TNNI3K: variants seen among roughly 807,000 people sequenced by gnomAD.
TNNI3K encodes serine/threonine-protein kinase TNNI3K.
TNNI3K carries 140 observed loss-of-function variants against 114.5 expected under a neutral mutation model. The ratio of observed to expected loss-of-function variants is 1.22; its 90% CI spans 1.07 to 1.41. The LOEUF (loss-of-function observed/expected upper bound fraction) is 1.41. Ranked by LOEUF, TNNI3K falls within the 40% of genes most tolerant of loss-of-function variation. The pLI, the probability that TNNI3K is intolerant of heterozygous loss-of-function variation, is 0.00. For missense variants in TNNI3K, 1,125 were observed against 1,007.6 expected (o/e 1.12, Z -1.58); for synonymous variants, 347 against 347.5 (o/e 1.00, Z 0.02).
At chr1:74,337,068 T>A (rs1274954261) in intron 7 of TNNI3K, among the ~76,000 whole-genome samples, 4 of 150,866 alleles carry the variant, frequency 2.7e-5, no homozygotes, top group South Asian at 2.1e-4. Flanking sequence ...GGTATCTCAT[T>A]GTGGTTTTGA....
chr1:74,488,977 G>T (rs561812214), intron 21 of TNNI3K, among the ~76,000 whole-genome samples: 1 of 152,254 alleles, frequency 6.6e-6, no homozygotes, highest in East Asian at 1.9e-4. Context: ...TGCAAATTCT[G>T]ACTTAAAACT....
chr1:74,280,389 A>C (rs1013218814), intron 5 of TNNI3K, among the ~76,000 whole-genome samples: 1 of 149,168 alleles, frequency 6.7e-6, no homozygotes, highest in East Asian at 2.0e-4. Flanking sequence ...CTCAAAAAAA[A>C]AATAAAATAA....
At chr1:74,411,801 G>T (rs1231368614) in intron 17 of TNNI3K, among the ~76,000 whole-genome samples, 4 of 152,158 alleles carry the variant, frequency 2.6e-5, no homozygotes, top group Non-Finnish European at 5.9e-5. Flanking sequence ...GAGCATTGAG[G>T]AGGAAGAAGA....
chr1:74,417,682 T>G (rs927486365), intron 17 of TNNI3K, among the ~76,000 whole-genome samples: 3 of 137,022 alleles, frequency 2.2e-5, no homozygotes, highest in Admixed American at 1.4e-4. Context: ...GTGTACGTGT[T>G]TGTGTGTGTG....
At chr1:74,341,817 T>C (rs1157248268) in intron 7 of TNNI3K, 1 of 152,132 alleles carries the variant, frequency 6.6e-6, no homozygotes, top group Non-Finnish European at 1.5e-5. Context: ...TGCAGGGCAT[T>C]GAATCTGTGG....
In TNNI3K at chr1:74,370,372, T is replaced by C. The variant is rs201798505; in HGVS notation, c.1752T>C (p.Ile584=). Residue 584 remains isoleucine, a synonymous_variant, in exon 17 of 25, where the codon ATT becomes ATC. Transcript: ENST00000326637. ...ACCTTCACAACCTGACACAGCCAAT[T>C]ATACATCGTGACTTGAACAGGTATT... ...MEYLHNLTQP[I]IHRDLNSHNI... 1.0e-5 allele frequency: 16 copies of C among 1,606,792 alleles called. No individual in the cohort carries two copies. Among genetic ancestry groups the C allele is most frequent in the Non-Finnish European group, 1.4e-5 (16 of 1,175,752 alleles).
At chr1:74,252,782 G>A (rs1334981278) in intron 4 of TNNI3K, among the ~76,000 whole-genome samples, 8 of 152,240 alleles carry the variant, frequency 5.3e-5, no homozygotes, top group Admixed American at 2.6e-4. Context: ...GCAGACCTTC[G>A]CGGTGAGTGT....
At chr1:74,458,586 T>G (rs1187952227) in intron 20 of TNNI3K, among the ~76,000 whole-genome samples, 1 of 152,196 alleles carries the variant, frequency 6.6e-6, no homozygotes, top group Admixed American at 6.5e-5. Flanking sequence ...CTACAGTGTT[T>G]CTTGATGGCT....
Position 74,460,224 on chromosome 1 carries a change from C to T in TNNI3K, c.2012-3217C>T, listed in dbSNP as rs966175851. 8.6e-5 allele frequency among the ~76,000 whole-genome samples: 13 copies of T among 152,036 alleles called. No homozygotes were observed. In the East Asian group the frequency reaches 9.7e-4, roughly 11 times the overall value. On this transcript the variant is annotated intron_variant, in intron 20 of 24. Transcript: ENST00000326637. Reference sequence around the variant, plus strand: ...CTGGGACTACAGGCGCCAGCCACCACGTCCAGCTAATTTTTTGTGTTTTTA... The same window carrying T: ...CTGGGACTACAGGCGCCAGCCACCATGTCCAGCTAATTTTTTGTGTTTTTA...
chr1:74,340,412 C>T (rs1250399682), intron 7 of TNNI3K, among the ~76,000 whole-genome samples: 1 of 152,052 alleles, frequency 6.6e-6, no homozygotes, highest in African/African-American at 2.4e-5. Context: ...AATATATTTT[C>T]TTTTTTGTCT....
At chr1:74,468,539 G>A (rs891044429) in intron 21 of TNNI3K, 3 of 152,084 alleles carry the variant, frequency 2.0e-5, no homozygotes, top group African/African-American at 7.2e-5. Context: ...GAGAAAAGAT[G>A]AAGAAGAGAG....
At chr1:74,283,303 A>G (rs1657126646) in intron 5 of TNNI3K, among the ~76,000 whole-genome samples, 1 of 152,132 alleles carries the variant, frequency 6.6e-6, no homozygotes, top group Non-Finnish European at 1.5e-5. Context: ...AAAGCAATCT[A>G]CTACTCTGCA....
chr1:74,363,544 A>G (rs978897077), intron 11 of TNNI3K, among the ~76,000 whole-genome samples: 9 of 152,056 alleles, frequency 5.9e-5, no homozygotes, highest in African/African-American at 2.2e-4. Context: ...AATGAAAGGT[A>G]ACATCAAGGG....
chr1:74,516,974 T>C (rs1477717565), intron 23 of TNNI3K, among the ~76,000 whole-genome samples: 1 of 152,208 alleles, frequency 6.6e-6, no homozygotes, highest in East Asian at 1.9e-4. Flanking sequence ...TTTACAGTCA[T>C]GCTCCCATGA....
intron 5 of TNNI3K, among the ~76,000 whole-genome samples, chr1:74,273,742 C>T (rs1338674907): frequency 2.6e-5 from 4 of 151,854 alleles, no homozygotes; most frequent in Non-Finnish European, 4.4e-5. Context: ...TGCAATTCTT[C>T]ATGGGTTTTC....
intron 23 of TNNI3K, among the ~76,000 whole-genome samples, chr1:74,530,561 T>C (rs570169848): frequency 2.7e-4 from 41 of 152,282 alleles, no homozygotes; most frequent in African/African-American, 9.4e-4. Context: ...AGATCAGAAT[T>C]CTAGGTTATA....
intron 21 of TNNI3K, chr1:74,470,619 T>C (rs1252027075): frequency 2.5e-6 from 1 of 400,624 alleles, no homozygotes; most frequent in Non-Finnish European, 4.4e-6. Flanking sequence ...CATAAGTTTC[T>C]GTTTTTGAAA....
At chr1:74,343,379 A>ACAACAGTACAACATC (rs1660846488) in intron 9 of TNNI3K, among the ~76,000 whole-genome samples, 200 bp downstream of exon 9, 1 of 152,178 alleles carries the variant, frequency 6.6e-6, no homozygotes, top group Admixed American at 6.5e-5. Flanking sequence ...AGTACAACAG[A>ACAACAGTACAACATC]TGGGGCCGGA....
rs531531114 is a variant in TNNI3K, at chr1:74,371,121, G to A, written c.1772+729G>A. ...GACAAACACTGATTTAGTTTATGAA[G>A]CAAGTCAGATTATTCCACATCAATC... On this transcript the variant is annotated intron_variant, in intron 17 of 24. Transcript: ENST00000326637. 6.6e-5 allele frequency: 10 copies of A among 151,942 alleles called. No homozygotes were observed. The East Asian group carries it at 1.9e-3, about 30-fold the overall frequency. 9.4% of individuals were successfully genotyped at this position (151,942 alleles called of 1,614,324 possible).
Sources: gnomAD v4.1 joint callset for allele counts (sites outside exome capture counted in the v4.1 genomes callset) on GRCh38, gnomAD v4.1.1 for gene constraint, MANE v1.5 for transcripts, NCBI Gene and HGNC (gene_info 2026-07-23, HGNC 2026-07-21) for gene names.